ZC3H7B: variants seen among roughly 807,000 people sequenced by gnomAD.
ZC3H7B encodes zinc finger CCCH domain-containing protein 7B.
In ZC3H7B, 35 loss-of-function variants were observed where a neutral mutation model predicts 116.0. The ratio of observed to expected loss-of-function variants is 0.30; its 90% CI spans 0.23 to 0.40. The LOEUF is 0.40. Among genes scored for constraint, ZC3H7B ranks in the 10% least tolerant of loss-of-function variants. ZC3H7B has a pLI of 1.00. For synonymous variants in ZC3H7B, 502 were observed against 545.6 expected, an observed-to-expected ratio of 0.92 and a Z score of 1.11; for missense variants, 1,011 against 1,321.5, an observed-to-expected ratio of 0.77 and a Z score of 3.64.
intron 20 of ZC3H7B, 33 bp from the exon 21 acceptor site, chr22:41,356,310 T>TC: frequency 6.2e-7 from 1 of 1,613,032 alleles, no homozygotes; most frequent in South Asian, 1.1e-5. Context: ...GAGAAGCCCC[T>TC]CAGCAGGTGC....
chr22:41,351,538 G>A lies in ZC3H7B; in HGVS notation c.1949-23G>A, dbSNP rs2036653985. 3.1e-6 allele frequency: 5 copies of A among 1,606,762 alleles called. No individual in the cohort carries two copies. Among genetic ancestry groups the A allele is most frequent in the Non-Finnish European group, 4.2e-6 (5 of 1,176,676 alleles). Reference sequence around the variant, plus strand: ...TTGCTGAGCACCTTGAAAGATGCCTGTGTCTGCCCCCACCCTCCCCAGGCA... The same window carrying A: ...TTGCTGAGCACCTTGAAAGATGCCTATGTCTGCCCCCACCCTCCCCAGGCA... On this transcript the variant is annotated intron_variant, in intron 16 of 22. Coordinates refer to ENST00000352645, the MANE Select transcript of ZC3H7B (RefSeq NM_017590.6). This position sits in a 1 kb window ranked among gnomAD's most constrained non-coding sequence, Gnocchi z 5.1.
intron 20 of ZC3H7B, 22 bp from the exon 21 acceptor site, chr22:41,356,321 C>T: frequency 6.2e-7 from 1 of 1,613,790 alleles, no homozygotes; most frequent in South Asian, 1.1e-5. Flanking sequence ...CAGCAGGTGC[C>T]CTGTCCCTGT....
At chr22:41,307,457 G>C (rs937969562) in intron 1 of ZC3H7B, among the ~76,000 whole-genome samples, 5 of 152,192 alleles carry the variant, frequency 3.3e-5, no homozygotes. Flanking sequence ...TCCCCACCGG[G>C]CTATGGAGGC....
chr22:41,330,519 A>G (rs2036368010), intron 6 of ZC3H7B, among the ~76,000 whole-genome samples: 1 of 152,232 alleles, frequency 6.6e-6, no homozygotes, highest in Admixed American at 6.5e-5. Context: ...TGCACAAGGG[A>G]AACTCGTGAC....
At chr22:41,309,255 C>G (rs1419047697) in intron 1 of ZC3H7B, among the ~76,000 whole-genome samples, 1 of 151,812 alleles carries the variant, frequency 6.6e-6, no homozygotes, top group African/African-American at 2.4e-5. Flanking sequence ...CGTGATCCGC[C>G]CATCTCGGCC....
chr22:41,308,911 G>T (rs927673063), intron 1 of ZC3H7B, among the ~76,000 whole-genome samples: 1 of 151,718 alleles, frequency 6.6e-6, no homozygotes, highest in African/African-American at 2.4e-5. Context: ...TGCTAGGTAG[G>T]TGCCCTCTTA....
In ZC3H7B at chr22:41,351,636, G is replaced by A; in HGVS notation, c.2024G>A (p.Ser675Asn). ...ATGGAGGCGCATGCGGGGAAGGCCAGCAGCAGCATGGTAAGGCCTTCTGAT... is the reference window on the plus strand; with the variant it reads ...ATGGAGGCGCATGCGGGGAAGGCCAACAGCAGCATGGTAAGGCCTTCTGAT... ...QQMEAHAGKA[S>N]SSMGAPRTHG... Residue 675 changes from serine to asparagine, a missense_variant, in exon 17 of 23, where the codon AGC (serine) becomes AAC (asparagine). Ser to Asn is a conservative substitution (Grantham distance 46). Around this residue, in one of 5 missense-constraint regions of ZC3H7B, gnomAD observed 406 missense variants for 590.2 expected, o/e 0.69. Transcript: ENST00000352645. The surrounding 1 kb of genome is among the most constrained non-coding windows in gnomAD (Gnocchi z 5.1). The A allele has an allele frequency of 6.2e-7, 1 of 1,613,524 alleles. No individual in the cohort carries two copies. The highest frequency in any genetic ancestry group is 8.5e-7 in the Non-Finnish European group (1 of 1,179,686).
rs550461674 is a variant in ZC3H7B at position 41,346,711 on chromosome 22, G to A, written c.1665+503G>A. Among the ~76,000 whole-genome samples, 31 of 152,310 alleles carry A rather than the reference G, an allele frequency of 2.0e-4. No individual in the cohort carries two copies. The highest frequency in any genetic ancestry group is 7.0e-4 in the African/African-American group (29 of 41,568). On this transcript the variant is annotated intron_variant, in intron 14 of 22. Coordinates refer to ENST00000352645, the MANE Select transcript of ZC3H7B (RefSeq NM_017590.6). This position sits in a 1 kb window ranked among gnomAD's most constrained non-coding sequence, Gnocchi z 5.3. The stretch of plus-strand genomic sequence containing the variant: ...CACGCCTGTAGTCCCAGCTAGTTGG[G>A]AGGCTGAGGCAGGAGAATCACTTGA...
rs1163069174 is a variant in ZC3H7B at position 41,356,037 on chromosome 22, G to T, written c.2358G>T (p.Met786Ile). ...CACACAGCCCGGAGGAGAGGGACAT[G>T]TGGACCTTCATGAAGGAGAACAAGA... Reference protein sequence around the residue: ...SFAHSPEERDMWTFMKENKIL... With the variant: ...SFAHSPEERDIWTFMKENKIL... The change falls in exon 20 of 23, where the codon ATG becomes ATT. Residue 786 changes from methionine to isoleucine, a missense_variant. Physicochemically the swap from Met to Ile is conservative, Grantham distance 10 (BLOSUM62 1). This residue lies in a region of ZC3H7B where 406 missense variants were observed against 590.2 expected (regional missense o/e 0.69). Transcript: ENST00000352645. 6.4e-7 allele frequency: 1 copy of T among 1,567,170 alleles called. No homozygotes were observed. The highest frequency in any genetic ancestry group is 8.6e-7 in the Non-Finnish European group (1 of 1,162,264).
chr22:41,315,063 C>G (rs1018968105), intron 1 of ZC3H7B, among the ~76,000 whole-genome samples: 1 of 151,810 alleles, frequency 6.6e-6, no homozygotes, highest in Non-Finnish European at 1.5e-5. Flanking sequence ...GCCTGACACA[C>G]GCTTTCAAGA....
chr22:41,315,765 C>T (rs923365147), intron 1 of ZC3H7B, among the ~76,000 whole-genome samples: 12 of 152,056 alleles, frequency 7.9e-5, no homozygotes, highest in Admixed American at 6.6e-5. Context: ...CTTATAAGGA[C>T]AGTAATCCTG....
chr22:41,325,649 G>C (rs772209664), intron 3 of ZC3H7B, 52 bp downstream of exon 3: 1 of 1,608,520 alleles, frequency 6.2e-7, no homozygotes, highest in African/African-American at 1.3e-5. Context: ...GATGTGCAGG[G>C]GAGAGGCGTG....
chr22:41,356,893 T>C (rs2036728146), intron 22 of ZC3H7B, 85 bp downstream of exon 22: 2 of 1,577,932 alleles, frequency 1.3e-6, no homozygotes, highest in East Asian at 2.2e-5. Context: ...CCTCTTGGCC[T>C]GGAGGTGGTG....
Position 41,339,046 on chromosome 22 carries a change from C to T in ZC3H7B, c.671C>T (p.Thr224Met), listed in dbSNP as rs199810395. The T allele has an allele frequency of 2.9e-4, 463 of 1,607,838 alleles. No individual in the cohort carries two copies. Among genetic ancestry groups the T allele is most frequent in the East Asian group, 6.3e-4 (28 of 44,696 alleles). ...GGCTCCCCAGCCCTTCTCCCCTCCACGCCCACGATGCCCCTGTTCCCTCAC... is the reference window on the plus strand; with the variant it reads ...GGCTCCCCAGCCCTTCTCCCCTCCATGCCCACGATGCCCCTGTTCCCTCAC... ...PRGSPALLPS[T>M]PTMPLFPHVL... The change falls in exon 9 of 23, where the codon ACG (threonine) becomes ATG (methionine). Residue 224 changes from threonine to methionine, a missense_variant. Physicochemically the swap from Thr to Met is moderately conservative, Grantham distance 81. Coordinates refer to ENST00000352645, the MANE Select transcript of ZC3H7B (RefSeq NM_017590.6).
Position 41,355,746 on chromosome 22 carries a change from C to G in ZC3H7B, c.2169-11C>G, listed in dbSNP as rs773525748. On this transcript the variant is annotated splice_polypyrimidine_tract_variant and intron_variant, in intron 18 of 22. Coordinates refer to ENST00000352645, the MANE Select transcript of ZC3H7B (RefSeq NM_017590.6). ...GCCCTGACCTCTCCCCAACCCTGCT[C>G]TGTCCTGCAGCTGGACCAAGGAGCG... 3.1e-6 allele frequency: 5 copies of G among 1,613,930 alleles called. No homozygotes were observed. The South Asian group carries it at 4.4e-5, about 14-fold the overall frequency.
In ZC3H7B at chr22:41,340,142, G is replaced by T. The variant is rs759736387; in HGVS notation, c.1138+5G>T. 20 of 1,591,822 alleles carry T rather than the reference G, an allele frequency of 1.3e-5. No homozygotes were observed. The highest frequency in any genetic ancestry group is 1.5e-5 in the Non-Finnish European group (18 of 1,167,786). ...ACAAACCTGACTCCTTCATGGGTAA[G>T]GCCATGGGTGGGCCCGTTCAACCTC... is the stretch of plus-strand genomic sequence containing the variant. On this transcript the variant is annotated splice_donor_5th_base_variant and intron_variant, in intron 10 of 22. Coordinates refer to ENST00000352645, the MANE Select transcript of ZC3H7B (RefSeq NM_017590.6).
Position 41,331,026 on chromosome 22 carries a change from C to A in ZC3H7B, c.525+923C>A, listed in dbSNP as rs1316943747. Among the ~76,000 whole-genome samples, 6 of 147,894 alleles carry A rather than the reference C, an allele frequency of 4.1e-5. No homozygotes were observed. In the East Asian group the frequency reaches 1.1e-3, roughly 27 times the overall value. ...CTGGGATTACAGGCGCCCGCCACCA[C>A]GCCCGGCTAATTTTTTATATTTTTA... On this transcript the variant is annotated intron_variant, in intron 6 of 22. Coordinates refer to ENST00000352645, the MANE Select transcript of ZC3H7B (RefSeq NM_017590.6).
intron 11 of ZC3H7B, among the ~76,000 whole-genome samples, chr22:41,341,727 A>G (rs2036525366): frequency 6.6e-6 from 1 of 151,630 alleles, no homozygotes; most frequent in Non-Finnish European, 1.5e-5. Flanking sequence ...TGGGCGACAG[A>G]GCGAGACTCC....
At chr22:41,316,293 A>ATTT (rs1242446099) in intron 1 of ZC3H7B, among the ~76,000 whole-genome samples, 10 of 113,224 alleles carry the variant, frequency 8.8e-5, no homozygotes, top group African/African-American at 3.3e-4. Flanking sequence ...ATGCCTGGCC[A>ATTT]TTTTTTTTTT....
Sources: gnomAD v4.1 joint callset for allele counts (sites outside exome capture counted in the v4.1 genomes callset) on GRCh38, gnomAD v4.1.1 for gene constraint, gnomAD v4.1.1 regional missense constraint, Gnocchi (gnomAD v3.1) non-coding constraint, MANE v1.5 for transcripts, NCBI Gene and HGNC (gene_info 2026-07-23, HGNC 2026-07-21) for gene names.